Variants in HMGA2 observed in about 807,000 individuals in gnomAD.
The protein encoded by HMGA2 is high mobility group protein HMGI-C.
HMGA2 carries 8 observed loss-of-function variants against 19.1 expected under a neutral mutation model. The ratio of observed to expected loss-of-function variants is 0.42; its 90% CI spans 0.25 to 0.76. The LOEUF (loss-of-function observed/expected upper bound fraction) is 0.76. Ranked by LOEUF, HMGA2 falls within the 30% of genes least tolerant of loss-of-function variation. HMGA2 has a pLI of 0.28. For missense variants in HMGA2, 109 were observed against 136.3 expected, an observed-to-expected ratio of 0.80 and a Z score of 1.00; for synonymous variants, 60 against 48.8, an observed-to-expected ratio of 1.23 and a Z score of -0.96.
At chr12:65,945,091 G>T (rs1416158903) in intron 3 of HMGA2, among the ~76,000 whole-genome samples, 1 of 151,760 alleles carries the variant, frequency 6.6e-6, no homozygotes, top group Non-Finnish European at 1.5e-5. Context: ...TCGTTGAGGG[G>T]CCTCAGGGGC....
At chr12:65,905,108 A>G (rs1199307948) in intron 3 of HMGA2, among the ~76,000 whole-genome samples, 1 of 152,066 alleles carries the variant, frequency 6.6e-6, no homozygotes, top group Admixed American at 6.5e-5. Flanking sequence ...TTTGAAATGC[A>G]TGTCCTAATT....
chr12:65,864,267 G>A (rs1872267395), intron 3 of HMGA2, among the ~76,000 whole-genome samples: 3 of 152,146 alleles, frequency 2.0e-5, no homozygotes, highest in Admixed American at 2.0e-4. Flanking sequence ...ACCCCAGAGA[G>A]GTGGGTAAGT....
At chr12:65,835,297 T>TA (rs1476797971) in intron 2 of HMGA2, among the ~76,000 whole-genome samples, 1 of 152,198 alleles carries the variant, frequency 6.6e-6, no homozygotes, top group Non-Finnish European at 1.5e-5. Context: ...TTCCAATATG[T>TA]AAAAATCCTG....
At chr12:65,914,281 G>A (rs1292142468) in intron 3 of HMGA2, among the ~76,000 whole-genome samples, 2 of 151,914 alleles carry the variant, frequency 1.3e-5, no homozygotes, top group Non-Finnish European at 2.9e-5. Flanking sequence ...AAGAAAATGT[G>A]GCACATATAC....
intron 3 of HMGA2, among the ~76,000 whole-genome samples, chr12:65,851,007 C>A (rs1871437379): frequency 6.6e-6 from 1 of 152,138 alleles, no homozygotes; most frequent in Admixed American, 6.6e-5. Context: ...CTGCTATGTT[C>A]CTCTTCAAAA....
intron 3 of HMGA2, among the ~76,000 whole-genome samples, chr12:65,910,621 T>G (rs1874803285): frequency 6.6e-6 from 1 of 152,220 alleles, no homozygotes; most frequent in Non-Finnish European, 1.5e-5. Context: ...GTTCGGTGTC[T>G]GTGGTCCCTG....
At position 65,881,950 on chromosome 12, in the gene HMGA2, G is replaced by A. The variant is rs931840058; in HGVS notation, c.249+43381G>A. On this transcript the variant is annotated intron_variant, in intron 3 of 4. Transcript: ENST00000403681. ...GCATGGAGAGATTCCAATTGCGGGGGTTCCTCCGTAGCCTTTGCAGCTGAA... is the reference window on the plus strand; with the variant it reads ...GCATGGAGAGATTCCAATTGCGGGGATTCCTCCGTAGCCTTTGCAGCTGAA... 15 of 700,448 alleles carry A rather than the reference G, an allele frequency of 2.1e-5. No individual in the cohort carries two copies. In the African/African-American group the frequency reaches 2.6e-4, roughly 12 times the overall value. 43.4% of individuals were successfully genotyped at this position (700,448 alleles called of 1,614,324 possible). A position where few individuals can be genotyped will look rare whatever the true frequency, so the allele number is the denominator to read the frequency against.
At chr12:65,848,850 G>A (rs957965585) in intron 3 of HMGA2, among the ~76,000 whole-genome samples, 40 of 152,030 alleles carry the variant, frequency 2.6e-4, no homozygotes, top group African/African-American at 9.6e-4. Flanking sequence ...GCGACAGAGC[G>A]AGACTCCGTC....
At chr12:65,876,846 T>A (rs925820177) in intron 3 of HMGA2, 1 of 152,304 alleles carries the variant, frequency 6.6e-6, no homozygotes, top group Admixed American at 6.5e-5. Flanking sequence ...GCCCAGTATT[T>A]GCCACAGAAG....
chr12:65,839,454 A>G (rs1336157460), intron 3 of HMGA2, among the ~76,000 whole-genome samples: 1 of 151,838 alleles, frequency 6.6e-6, no homozygotes, highest in Non-Finnish European at 1.5e-5. Flanking sequence ...TTCTTTCTTC[A>G]TGCTTCAAAT....
At chr12:65,867,596 G>A in intron 3 of HMGA2, 1 of 387,878 alleles carries the variant, frequency 2.6e-6, no homozygotes, top group South Asian at 1.9e-5. Flanking sequence ...ATCAACTGAA[G>A]AACACTTCTG....
At chr12:65,954,972 G>T (rs1267232038) in intron 4 of HMGA2, 1 of 152,164 alleles carries the variant, frequency 6.6e-6, no homozygotes, top group African/African-American at 2.4e-5. Context: ...TGGGAGGTCA[G>T]GAGTTCGAGA....
chr12:65,828,081 T>A lies in HMGA2; in HGVS notation c.192T>A (p.Ala64=), dbSNP rs766794456. ...AAAACAAGAGTCCCTCTAAAGCAGC[T>A]CAAAAGGTGAGATTTCTCAAGTCAA... is the stretch of plus-strand genomic sequence containing the variant. ...GSKNKSPSKA[A]QKKAEATGEK... The change falls in exon 2 of 5, where the codon GCT becomes GCA. Residue 64 remains alanine (A), a synonymous_variant. Coordinates refer to ENST00000403681, the MANE Select transcript of HMGA2 (RefSeq NM_003483.6). 6.2e-7 allele frequency: 1 copy of A among 1,611,820 alleles called. No homozygotes were observed. Among genetic ancestry groups the A allele is most frequent in the African/African-American group, 1.3e-5 (1 of 74,880 alleles).
At chr12:65,962,675 G>A (rs1307686943) in intron 4 of HMGA2, among the ~76,000 whole-genome samples, 6 of 152,104 alleles carry the variant, frequency 3.9e-5, no homozygotes, top group African/African-American at 7.2e-5. Flanking sequence ...CCAAATCCTG[G>A]TCCCACACAC....
At chr12:65,834,579 C>T (rs1452201055) in intron 2 of HMGA2, among the ~76,000 whole-genome samples, 1 of 146,462 alleles carries the variant, frequency 6.8e-6, no homozygotes, top group Non-Finnish European at 1.5e-5. Flanking sequence ...TCCCTCACTC[C>T]CTCCCTTCCT....
At chr12:65,826,513 C>T (rs1870200967) in intron 1 of HMGA2, 1 of 152,174 alleles carries the variant, frequency 6.6e-6, no homozygotes, top group Non-Finnish European at 1.5e-5. Flanking sequence ...AGAAAATAAT[C>T]CTAGAGTCCC....
chr12:65,846,074 A>G (rs570340616), intron 3 of HMGA2, among the ~76,000 whole-genome samples: 1 of 152,346 alleles, frequency 6.6e-6, no homozygotes, highest in East Asian at 1.9e-4. Flanking sequence ...CAGCCAACAT[A>G]AGGTTTTCAG....
chr12:65,939,102 T>C (rs1426256703), intron 3 of HMGA2, among the ~76,000 whole-genome samples: 2 of 152,178 alleles, frequency 1.3e-5, no homozygotes, highest in African/African-American at 2.4e-5. Context: ...GAAACCTTTT[T>C]TGAATATTTA....
At chr12:65,842,634 A>G in intron 3 of HMGA2, 2 of 1,535,472 alleles carry the variant, frequency 1.3e-6, no homozygotes, top group South Asian at 2.4e-5. Flanking sequence ...TTCCAATAGC[A>G]GAGATTTGGT....
Sources: gnomAD v4.1 joint callset for allele counts (sites outside exome capture counted in the v4.1 genomes callset) on GRCh38, gnomAD v4.1.1 for gene constraint, MANE v1.5 for transcripts, NCBI Gene and HGNC (gene_info 2026-07-23, HGNC 2026-07-21) for gene names.